PTPRM: variants seen among roughly 807,000 people sequenced by gnomAD.
PTPRM encodes the protein protein tyrosine phosphatase receptor type M.
In PTPRM, 47 loss-of-function variants were observed where a neutral mutation model predicts 186.7. That is an observed-to-expected ratio of 0.25 (90% CI 0.20 to 0.32). PTPRM has a LOEUF of 0.32. Ranked by LOEUF, PTPRM falls within the 10% of genes least tolerant of loss-of-function variation. The pLI is 1.00. For synonymous variants in PTPRM, 668 were observed against 674.9 expected, an observed-to-expected ratio of 0.99 and a Z score of 0.16; for missense variants, 1,494 against 1,865.0, an observed-to-expected ratio of 0.80 and a Z score of 3.66.
Position 7,621,723 on chromosome 18 carries a change from G to A in PTPRM, c.73+53832G>A, listed in dbSNP as rs554413355. ...TCGTATAGTTGGAATCCCAAAATACGTAGCTTTTTCAGATTGTCTTCTTTC... is the reference window on the plus strand; with the variant it reads ...TCGTATAGTTGGAATCCCAAAATACATAGCTTTTTCAGATTGTCTTCTTTC... On this transcript the variant is annotated intron_variant, in intron 1 of 32. Transcript: ENST00000580170. Among the ~76,000 whole-genome samples, 13 of 152,146 alleles carry A rather than the reference G, an allele frequency of 8.5e-5. No homozygotes were observed. The East Asian group carries it at 1.7e-3, about 20-fold the overall frequency.
intron 1 of PTPRM, among the ~76,000 whole-genome samples, chr18:7,573,692 C>A (rs187358776): frequency 2.6e-4 from 40 of 152,216 alleles, no homozygotes; most frequent in Non-Finnish European, 5.7e-4. Context: ...CGGGTTCAAG[C>A]GATTCTCCTG....
intron 22 of PTPRM, among the ~76,000 whole-genome samples, chr18:8,328,052 T>C (rs775729593): frequency 4.6e-5 from 7 of 152,234 alleles, no homozygotes; most frequent in Non-Finnish European, 8.8e-5. Context: ...CAAACTTTGT[T>C]GTAGTGCCTT....
intron 1 of PTPRM, among the ~76,000 whole-genome samples, chr18:7,752,385 G>A (rs1223225606): frequency 6.6e-6 from 1 of 151,952 alleles, no homozygotes; most frequent in Non-Finnish European, 1.5e-5. Context: ...ATTTCAAAAG[G>A]TAGGAAACAT....
At chr18:7,942,207 TG>T (rs1387047616) in intron 5 of PTPRM, among the ~76,000 whole-genome samples, 1 of 149,348 alleles carries the variant, frequency 6.7e-6, no homozygotes, top group Non-Finnish European at 1.5e-5. Flanking sequence ...TGCTTGAACC[TG>T]GGAGGCGGAG....
intron 2 of PTPRM, among the ~76,000 whole-genome samples, chr18:7,832,505 A>G (rs2045813979): frequency 1.3e-5 from 2 of 152,080 alleles, no homozygotes; most frequent in South Asian, 4.1e-4. Flanking sequence ...CACTTCTTAT[A>G]TATTCTGGTT....
At chr18:7,614,335 A>G (rs2037751080) in intron 1 of PTPRM, among the ~76,000 whole-genome samples, 1 of 152,238 alleles carries the variant, frequency 6.6e-6, no homozygotes, top group African/African-American at 2.4e-5. Context: ...TGTCAGTTTC[A>G]GAAACTGAAA....
chr18:8,071,559 G>A (rs1282469210), intron 8 of PTPRM, among the ~76,000 whole-genome samples: 1 of 152,006 alleles, frequency 6.6e-6, no homozygotes, highest in Non-Finnish European at 1.5e-5. Flanking sequence ...CAGTGCCTTG[G>A]CTGTCAAGGT....
chr18:8,286,935 C>A (rs1231601808), intron 19 of PTPRM, among the ~76,000 whole-genome samples: 1 of 151,384 alleles, frequency 6.6e-6, no homozygotes, highest in Non-Finnish European at 1.5e-5. Flanking sequence ...ATTCCTTTTT[C>A]TGCTATACTT....
chr18:8,152,281 G>A (rs1600864286), intron 14 of PTPRM, among the ~76,000 whole-genome samples: 2 of 152,204 alleles, frequency 1.3e-5, no homozygotes, highest in African/African-American at 4.8e-5. Context: ...AGGCTCCTCA[G>A]AGTTTTTGTA....
chr18:7,848,596 A>C (rs1599041836), intron 2 of PTPRM, among the ~76,000 whole-genome samples: 1 of 151,738 alleles, frequency 6.6e-6, no homozygotes, highest in East Asian at 1.9e-4. Flanking sequence ...ACACGGTGAA[A>C]CCCTGTCTCT....
chr18:7,776,207 A>G (rs1003936851), intron 2 of PTPRM, among the ~76,000 whole-genome samples: 1 of 152,250 alleles, frequency 6.6e-6, no homozygotes, highest in Non-Finnish European at 1.5e-5. Context: ...AGGCCTTTGT[A>G]GCATAAGATC....
chr18:7,813,683 A>AT (rs976931822), intron 2 of PTPRM, among the ~76,000 whole-genome samples: 17 of 148,026 alleles, frequency 1.1e-4, no homozygotes, highest in East Asian at 4.0e-4. Context: ...TTTCTTCTTA[A>AT]TTTTTTTTTC....
intron 1 of PTPRM, among the ~76,000 whole-genome samples, chr18:7,728,063 C>G (rs940846043): frequency 1.3e-5 from 2 of 152,180 alleles, no homozygotes; most frequent in African/African-American, 4.8e-5. Context: ...CTGGCCTATT[C>G]TTTGAAGGCT....
chr18:8,003,760 A>G (rs2084009830), intron 7 of PTPRM, among the ~76,000 whole-genome samples: 1 of 152,232 alleles, frequency 6.6e-6, no homozygotes, highest in African/African-American at 2.4e-5. Flanking sequence ...TTAGTTCAAC[A>G]GCTTCATTTA....
chr18:8,024,235 T>C (rs1363055435), intron 7 of PTPRM, among the ~76,000 whole-genome samples: 3 of 152,204 alleles, frequency 2.0e-5, no homozygotes, highest in Non-Finnish European at 4.4e-5. Flanking sequence ...ATTTAAGCAT[T>C]GTTAGTTGAT....
chr18:7,984,589 A>G (rs1333520677), intron 7 of PTPRM, among the ~76,000 whole-genome samples: 1 of 123,680 alleles, frequency 8.1e-6, no homozygotes, highest in Non-Finnish European at 1.6e-5. Flanking sequence ...ATATATATAT[A>G]TATATATATA....
intron 14 of PTPRM, among the ~76,000 whole-genome samples, chr18:8,237,288 T>C (rs2094355677): frequency 6.6e-6 from 1 of 152,146 alleles, no homozygotes; most frequent in African/African-American, 2.4e-5. Context: ...TAAAAAATGT[T>C]TTATTTTACT....
intron 19 of PTPRM, among the ~76,000 whole-genome samples, chr18:8,268,060 A>C (rs1033916301): frequency 6.6e-6 from 1 of 152,074 alleles, no homozygotes; most frequent in Non-Finnish European, 1.5e-5. Flanking sequence ...GTGTTTCCAT[A>C]ATTTTAGAAT....
intron 19 of PTPRM, among the ~76,000 whole-genome samples, chr18:8,286,640 G>A (rs1359342044): frequency 1.3e-5 from 2 of 152,166 alleles, no homozygotes; most frequent in Non-Finnish European, 2.9e-5. Context: ...GAGCCTCTAT[G>A]ACTCTACAGA....
Sources: allele counts gnomAD v4.1 joint callset (sites outside exome capture counted in the v4.1 genomes callset), GRCh38; gene constraint gnomAD v4.1.1; transcripts MANE v1.5; gene names NCBI Gene and HGNC (gene_info 2026-07-23, HGNC 2026-07-21).